SKIC2: variants seen among roughly 807,000 people sequenced by gnomAD.
The protein encoded by SKIC2 is superkiller complex protein 2.
At chr6:31,964,064 T>C in the SKIC2 span, 1 of 1,612,628 alleles carries the variant, frequency 6.2e-7, no homozygotes, top group Non-Finnish European at 8.5e-7. The surrounding 1 kb of genome is among the most constrained non-coding windows in gnomAD (Gnocchi z 5.0). Context: ...AAGAGCGAGA[T>C]CCACCTCTTC....
At chr6:31,964,055 AG>A in the SKIC2 span, 1 of 1,612,538 alleles carries the variant, frequency 6.2e-7, no homozygotes, top group African/African-American at 1.3e-5. The surrounding 1 kb of genome is among the most constrained non-coding windows in gnomAD (Gnocchi z 5.0). Flanking sequence ...AGTTCGGAGA[AG>A]AGCGAGATCC....
chr6:31,968,475 C>G, the SKIC2 span: 1 of 1,612,992 alleles, frequency 6.2e-7, no homozygotes, highest in Non-Finnish European at 8.5e-7. The surrounding 1 kb of genome is among the most constrained non-coding windows in gnomAD (Gnocchi z 6.1). Context: ...GGCTCCGGGC[C>G]CGGAAGCTGG....
At chr6:31,960,461 T>G in the SKIC2 span, 2 of 1,614,140 alleles carry the variant, frequency 1.2e-6, no homozygotes, top group Admixed American at 3.3e-5. Flanking sequence ...ATCTCTCGGC[T>G]ACAACCTCCT....
At chr6:31,960,544 C>T in the SKIC2 span, 3 of 1,609,080 alleles carry the variant, frequency 1.9e-6, no homozygotes, top group Non-Finnish European at 2.6e-6. Context: ...CCCTTCTGGC[C>T]AGGTGACTCT....
chr6:31,968,704 C>T, the SKIC2 span: 11 of 1,612,434 alleles, frequency 6.8e-6, no homozygotes, highest in South Asian at 2.2e-5. The surrounding 1 kb of genome is among the most constrained non-coding windows in gnomAD (Gnocchi z 6.1). Flanking sequence ...GCTGCGGGAG[C>T]GAATGCAGAT....
the SKIC2 span, among the ~76,000 whole-genome samples, chr6:31,965,558 G>T: frequency 6.6e-6 from 1 of 152,224 alleles, no homozygotes; most frequent in African/African-American, 2.4e-5. The surrounding 1 kb of genome is among the most constrained non-coding windows in gnomAD (Gnocchi z 5.6). Context: ...GGATGGGAAT[G>T]GGATATGAAG....
the SKIC2 span, chr6:31,961,808 C>A: frequency 6.4e-7 from 1 of 1,555,804 alleles, no homozygotes; most frequent in South Asian, 1.1e-5. Flanking sequence ...CCAGCCTCGG[C>A]TGGCTCCGGC....
the SKIC2 span, chr6:31,969,457 G>T: frequency 6.2e-7 from 1 of 1,614,006 alleles, no homozygotes; most frequent in Non-Finnish European, 8.5e-7. The surrounding 1 kb of genome is among the most constrained non-coding windows in gnomAD (Gnocchi z 6.1). Context: ...CAGACGGCTG[G>T]CTGGGGAGAA....
At chr6:31,962,411 A>G in the SKIC2 span, 1 of 1,613,400 alleles carries the variant, frequency 6.2e-7, no homozygotes, top group Non-Finnish European at 8.5e-7. This position sits in a 1 kb window ranked among gnomAD's most constrained non-coding sequence, Gnocchi z 5.0. Flanking sequence ...CTGCGGAGGG[A>G]CTGGCTAACT....
At chr6:31,960,651 C>A in the SKIC2 span, 1 of 1,590,650 alleles carries the variant, frequency 6.3e-7, no homozygotes, top group South Asian at 1.1e-5. Context: ...CCCTGTCTGT[C>A]CTGTCTCTTC....
the SKIC2 span, chr6:31,963,865 G>T: frequency 6.5e-7 from 1 of 1,545,196 alleles, no homozygotes. The surrounding 1 kb of genome is among the most constrained non-coding windows in gnomAD (Gnocchi z 5.3). Flanking sequence ...CCTCTCATTG[G>T]TTCAGGAACT....
the SKIC2 span, among the ~76,000 whole-genome samples, chr6:31,965,464 A>G: frequency 6.6e-6 from 1 of 152,168 alleles, no homozygotes; most frequent in African/African-American, 2.4e-5. This position sits in a 1 kb window ranked among gnomAD's most constrained non-coding sequence, Gnocchi z 5.6. Context: ...TATAAACTAC[A>G]AGCTCACAAA....
At chr6:31,968,154 G>C in the SKIC2 span, 1 of 1,590,310 alleles carries the variant, frequency 6.3e-7, no homozygotes, top group Non-Finnish European at 8.6e-7. The surrounding 1 kb of genome is among the most constrained non-coding windows in gnomAD (Gnocchi z 6.1). Context: ...TGGTCTGGGA[G>C]TTTCCTCCAG....
At chr6:31,961,664 C>G in the SKIC2 span, 1 of 1,612,272 alleles carries the variant, frequency 6.2e-7, no homozygotes, top group Non-Finnish European at 8.5e-7. Flanking sequence ...CATTCCCCAG[C>G]CAGCCTTCCA....
At chr6:31,961,480 T>C in the SKIC2 span, 1 of 1,539,114 alleles carries the variant, frequency 6.5e-7, no homozygotes, top group Non-Finnish European at 8.8e-7. Flanking sequence ...GGGACATCTT[T>C]TGGGAGGAGT....
the SKIC2 span, chr6:31,960,062 A>G: frequency 4.8e-4 from 767 of 1,613,022 alleles, 2 homozygotes; most frequent in African/African-American, 9.0e-3. Context: ...GAAGCAGAAC[A>G]GTTGTTTCTG....
the SKIC2 span, chr6:31,959,819 G>A: frequency 1.7e-6 from 1 of 598,928 alleles, no homozygotes; most frequent in South Asian, 2.1e-5. Context: ...CCTAGGTCCA[G>A]CCTCCATGTT....
At chr6:31,969,703 C>A in the SKIC2 span, 1 of 1,595,744 alleles carries the variant, frequency 6.3e-7, no homozygotes, top group South Asian at 1.1e-5. The surrounding 1 kb of genome is among the most constrained non-coding windows in gnomAD (Gnocchi z 6.1). Flanking sequence ...CGGCCAGCCT[C>A]TACACCCAGT....
At chr6:31,963,486 A>G in the SKIC2 span, 4 of 1,612,178 alleles carry the variant, frequency 2.5e-6, no homozygotes, top group Non-Finnish European at 3.4e-6. The surrounding 1 kb of genome is among the most constrained non-coding windows in gnomAD (Gnocchi z 5.3). Flanking sequence ...CTATCTTTTC[A>G]CAGGGAACAG....
Sources: allele counts gnomAD v4.1 joint callset (sites outside exome capture counted in the v4.1 genomes callset), GRCh38; gene constraint gnomAD v4.1.1; non-coding constraint Gnocchi (gnomAD v3.1); transcripts MANE v1.5; gene names NCBI Gene and HGNC (gene_info 2026-07-23, HGNC 2026-07-21).